Variants in ITPR1 observed in about 807,000 individuals in gnomAD.
ITPR1 encodes inositol 1,4,5-trisphosphate-gated calcium channel ITPR1.
A neutral mutation model predicts 318.4 loss-of-function variants in ITPR1; 96 were observed. That is an observed-to-expected ratio of 0.30 (90% CI 0.26 to 0.36). The LOEUF is 0.36. Ranked by LOEUF, ITPR1 falls within the 10% of genes least tolerant of loss-of-function variation. The pLI, the probability that ITPR1 is intolerant of heterozygous loss-of-function variation, is 1.00. For synonymous variants in ITPR1, 1,312 were observed against 1,289.9 expected, an observed-to-expected ratio of 1.02 and a Z score of -0.37; for missense variants, 2,440 against 3,460.2, an observed-to-expected ratio of 0.71 and a Z score of 7.40.
At chr3:4,607,273 T>C (rs888186728) in intron 4 of ITPR1, among the ~76,000 whole-genome samples, 5 of 152,176 alleles carry the variant, frequency 3.3e-5, no homozygotes, top group Non-Finnish European at 7.3e-5. Context: ...TCTAGATGAT[T>C]TGACTGCACA....
At chr3:4,775,934 G>T (rs113487051) in intron 47 of ITPR1, among the ~76,000 whole-genome samples, 2,576 of 152,334 alleles carry the variant, frequency 0.017, 38 homozygotes, top group South Asian at 0.047. Flanking sequence ...AAAGAAAGAT[G>T]AGATAGTCTT....
At chr3:4,757,895 C>T (rs1330348517) in intron 44 of ITPR1, among the ~76,000 whole-genome samples, 1 of 152,164 alleles carries the variant, frequency 6.6e-6, no homozygotes, top group East Asian at 1.9e-4. Context: ...ACTGGCGTTG[C>T]TCTGTCACCC....
chr3:4,757,421 T>C (rs533376177), intron 44 of ITPR1, among the ~76,000 whole-genome samples: 13 of 152,286 alleles, frequency 8.5e-5, no homozygotes, highest in Middle Eastern at 6.8e-3. Context: ...GCCACTATTC[T>C]TTACTGTGAG....
intron 44 of ITPR1, among the ~76,000 whole-genome samples, chr3:4,736,286 G>A (rs1279081207): frequency 6.6e-6 from 1 of 152,146 alleles, no homozygotes; most frequent in Non-Finnish European, 1.5e-5. Flanking sequence ...CATATTCTTG[G>A]CCTTGAACTG....
chr3:4,582,995 A>G (rs1345298946), intron 4 of ITPR1, among the ~76,000 whole-genome samples: 2 of 152,126 alleles, frequency 1.3e-5, no homozygotes, highest in East Asian at 3.9e-4. Context: ...CTTTTCACCC[A>G]CCAGCCTTTA....
At chr3:4,625,201 A>G (rs1189298765) in intron 4 of ITPR1, among the ~76,000 whole-genome samples, 2 of 151,224 alleles carry the variant, frequency 1.3e-5, no homozygotes, top group Admixed American at 6.6e-5. Context: ...AAAAATACCT[A>G]TTCTACAATT....
chr3:4,639,690 G>T (rs2093292143), intron 6 of ITPR1, among the ~76,000 whole-genome samples: 1 of 152,200 alleles, frequency 6.6e-6, no homozygotes, highest in Non-Finnish European at 1.5e-5. Flanking sequence ...CTCTCTGTCT[G>T]TGGCTGATCA....
chr3:4,814,887 A>G (rs989943509), intron 58 of ITPR1, 166 bp from the exon 59 acceptor site: 12 of 665,314 alleles, frequency 1.8e-5, no homozygotes, highest in South Asian at 8.0e-5. Context: ...AGAAGTCGCA[A>G]TTGAGACAGG....
intron 5 of ITPR1, among the ~76,000 whole-genome samples, chr3:4,633,042 G>T (rs923116803): frequency 6.8e-6 from 1 of 147,846 alleles, no homozygotes; most frequent in African/African-American, 2.5e-5. Flanking sequence ...GGGTTCAAGC[G>T]ATTTCCCTGC....
chr3:4,628,915 G>A (rs2092926756), intron 5 of ITPR1, among the ~76,000 whole-genome samples: 1 of 152,244 alleles, frequency 6.6e-6, no homozygotes, highest in Admixed American at 6.5e-5. Flanking sequence ...TTTTTGACCA[G>A]CGTATGGCTA....
intron 33 of ITPR1, among the ~76,000 whole-genome samples, chr3:4,694,374 A>G (rs566993191): frequency 8.6e-5 from 13 of 150,948 alleles, no homozygotes; most frequent in Non-Finnish European, 1.9e-4. Flanking sequence ...TGTAGGTTTT[A>G]CAATGTGTAA....
chr3:4,652,225 A>C lies in ITPR1; in HGVS notation c.951+7A>C. The C allele has an allele frequency of 6.2e-7, 1 of 1,602,988 alleles. No individual in the cohort carries two copies. The highest frequency in any genetic ancestry group is 8.5e-7 in the Non-Finnish European group (1 of 1,172,866). On this transcript the variant is annotated splice_region_variant and intron_variant, in intron 11 of 61. Coordinates refer to ENST00000649015, the MANE Select transcript of ITPR1 (RefSeq NM_001378452.1). ...GCATTACTTGGCAGCAGAGGTAAGT[A>C]GCAGCTCCTGTGGTTTTCTCTTTCA...
At chr3:4,748,418 C>A (rs765701493) in intron 44 of ITPR1, among the ~76,000 whole-genome samples, 7 of 148,350 alleles carry the variant, frequency 4.7e-5, no homozygotes, top group Admixed American at 3.4e-4. Context: ...AAAGGTAGAC[C>A]TTTAAAATGG....
chr3:4,786,159 G>A (rs2125403503), intron 51 of ITPR1, among the ~76,000 whole-genome samples: 1 of 152,280 alleles, frequency 6.6e-6, no homozygotes, highest in Middle Eastern at 3.4e-3. Flanking sequence ...CTTGTCCATA[G>A]TCCACTTGAC....
intron 30 of ITPR1, 82 bp from the exon 31 acceptor site, chr3:4,688,413 C>T (rs1315318939): frequency 2.1e-5 from 33 of 1,538,322 alleles, no homozygotes; most frequent in Middle Eastern, 1.7e-4. Context: ...CTGACTCCCA[C>T]GTTAGCAGGA....
chr3:4,838,195 AAAGAC>A (rs2051072245), intron 61 of ITPR1, among the ~76,000 whole-genome samples: 1 of 152,194 alleles, frequency 6.6e-6, no homozygotes, highest in African/African-American at 2.4e-5. Context: ...TGCAAATAAA[AAAGAC>A]TAGTAGGAAA....
At chr3:4,705,268 G>T (rs180849279) in intron 36 of ITPR1, among the ~76,000 whole-genome samples, 1 of 151,988 alleles carries the variant, frequency 6.6e-6, no homozygotes, top group African/African-American at 2.4e-5. Context: ...CAGGTTTATG[G>T]GACTGTAGCA....
intron 4 of ITPR1, among the ~76,000 whole-genome samples, chr3:4,567,624 G>C (rs539442686): frequency 2.9e-4 from 42 of 146,758 alleles, no homozygotes; most frequent in African/African-American, 1.0e-3. Flanking sequence ...TTTCTTTTTT[G>C]AGACGGGGTC....
intron 2 of ITPR1, among the ~76,000 whole-genome samples, chr3:4,499,587 A>G (rs1042376181): frequency 2.0e-5 from 3 of 152,248 alleles, no homozygotes; most frequent in African/African-American, 4.8e-5. Flanking sequence ...AGGTAAATAC[A>G]TTACAAATGG....
Sources: allele counts gnomAD v4.1 joint callset (sites outside exome capture counted in the v4.1 genomes callset), GRCh38; gene constraint gnomAD v4.1.1; transcripts MANE v1.5; gene names NCBI Gene and HGNC (gene_info 2026-07-23, HGNC 2026-07-21).